The following LAMA2 variants were observed in gnomAD, a reference collection of about 807,000 sequenced individuals.
LAMA2 encodes the protein laminin subunit alpha 2.
In LAMA2, 269 loss-of-function variants were observed where a neutral mutation model predicts 364.8. The observed-to-expected ratio is 0.74, with a 90% CI of 0.67 to 0.82. The LOEUF (loss-of-function observed/expected upper bound fraction) is 0.82. Among genes scored for constraint, LAMA2 ranks in the 40% least tolerant of loss-of-function variants. The probability of loss-of-function intolerance (pLI) is 0.00; values close to 1 mark genes in which losing one functional copy is unlikely to be tolerated. For synonymous variants in LAMA2, 1,379 were observed against 1,370.6 expected, an observed-to-expected ratio of 1.01 and a Z score of -0.14; for missense variants, 3,807 against 3,873.2, an observed-to-expected ratio of 0.98 and a Z score of 0.45.
chr6:129,402,381 A>ATAGATGACC lies in LAMA2; in HGVS notation c.5622_5630dup (p.Asp1875_Leu1877dup), dbSNP rs761284273. On this transcript the variant is annotated inframe_insertion, in exon 39 of 65. Transcript: ENST00000421865. The stretch of plus-strand genomic sequence containing the variant: ...TATGTCTGAGGAGCTTAATGATAAA[A>ATAGATGACC]TAGATGACCTCTCCCAAGAAATAAA... The ATAGATGACC allele has an allele frequency of 6.2e-7, 1 of 1,614,054 alleles. No individual in the cohort carries two copies. The highest frequency in any genetic ancestry group is 8.5e-7 in the Non-Finnish European group (1 of 1,179,942).
chr6:128,965,984 T>G (rs951736305), intron 1 of LAMA2, among the ~76,000 whole-genome samples: 181 of 149,494 alleles, frequency 1.2e-3, no homozygotes, highest in Non-Finnish European at 2.6e-3. Context: ...CAGAGGTTTT[T>G]TTTTTTTTTT....
chr6:129,025,019 T>G (rs1785708659), intron 1 of LAMA2, among the ~76,000 whole-genome samples: 1 of 152,208 alleles, frequency 6.6e-6, no homozygotes, highest in Non-Finnish European at 1.5e-5. Flanking sequence ...AATTTAAAAA[T>G]TAACTTAGAG....
chr6:129,068,621 A>G (rs1218690825), intron 3 of LAMA2, among the ~76,000 whole-genome samples: 1 of 151,918 alleles, frequency 6.6e-6, no homozygotes, highest in Admixed American at 6.6e-5. Context: ...GGATTTCAAC[A>G]TATGAATTTT....
intron 12 of LAMA2, among the ~76,000 whole-genome samples, chr6:129,207,347 T>C: frequency 6.6e-6 from 1 of 152,200 alleles, no homozygotes. Flanking sequence ...TTTCTCATTC[T>C]TGTGAGTAAT....
chr6:129,014,520 A>G (rs1422534668), intron 1 of LAMA2, among the ~76,000 whole-genome samples: 1 of 152,196 alleles, frequency 6.6e-6, no homozygotes, highest in Non-Finnish European at 1.5e-5. Flanking sequence ...CCATATAAAC[A>G]CTGCCTTCGG....
In LAMA2 at chr6:129,026,413, A is replaced by C. The variant is rs986450420; in HGVS notation, c.113-23505A>C. ...AAGATGGTTACATAAATATGCACTA[A>C]AATTGAGTCTAACTGCAAAAAAATG... is the stretch of plus-strand genomic sequence containing the variant. On this transcript the variant is annotated intron_variant, in intron 1 of 64. Transcript: ENST00000421865. Among the ~76,000 whole-genome samples, 7 of 152,180 alleles carry C rather than the reference A, an allele frequency of 4.6e-5. No individual in the cohort carries two copies. In the South Asian group the frequency reaches 6.2e-4, roughly 13 times the overall value.
chr6:129,087,776 G>T (rs757767510), intron 3 of LAMA2, among the ~76,000 whole-genome samples: 11 of 151,848 alleles, frequency 7.2e-5, no homozygotes, highest in Non-Finnish European at 1.0e-4. Context: ...GAGTGGTAAA[G>T]TAGTAAACAG....
At chr6:129,400,422 T>C (rs1779903455) in intron 37 of LAMA2, among the ~76,000 whole-genome samples, 1 of 152,176 alleles carries the variant, frequency 6.6e-6, no homozygotes, top group Non-Finnish European at 1.5e-5. Context: ...CTGGCACATA[T>C]TGAGATCTAA....
At chr6:129,223,666 T>A (rs1026949085) in intron 12 of LAMA2, among the ~76,000 whole-genome samples, 1 of 152,190 alleles carries the variant, frequency 6.6e-6, no homozygotes, top group African/African-American at 2.4e-5. Context: ...TGTGTGGTAT[T>A]ATTTCTGAGG....
rs1223275223 is a variant in LAMA2 at position 129,314,652 on chromosome 6, C to A, written c.3412-3C>A. ...ACTCTGAGGGTCTCTTGTCTTTCCT[C>A]AGGTGAATGTGGAAGGCATCCACTG... On this transcript the variant is annotated splice_region_variant and splice_polypyrimidine_tract_variant and intron_variant, in intron 23 of 64. Coordinates refer to ENST00000421865, the MANE Select transcript of LAMA2 (RefSeq NM_000426.4). 4.3e-6 allele frequency: 7 copies of A among 1,613,368 alleles called. No individual in the cohort carries two copies. Among genetic ancestry groups the A allele is most frequent in the Non-Finnish European group, 5.9e-6 (7 of 1,179,930 alleles).
chr6:129,051,328 T>G (rs1462566354), intron 2 of LAMA2, among the ~76,000 whole-genome samples: 1 of 149,364 alleles, frequency 6.7e-6, no homozygotes, highest in Non-Finnish European at 1.5e-5. Flanking sequence ...TTATTTTGTT[T>G]TTGAGGCAGA....
At chr6:129,065,082 C>T (rs1402081040) in intron 3 of LAMA2, among the ~76,000 whole-genome samples, 1 of 152,112 alleles carries the variant, frequency 6.6e-6, no homozygotes, top group African/African-American at 2.4e-5. Context: ...GGATCACTAC[C>T]AGGGATGCCA....
intron 1 of LAMA2, among the ~76,000 whole-genome samples, chr6:128,943,154 T>TTG (rs201580703): frequency 2.0e-5 from 3 of 152,038 alleles, no homozygotes; most frequent in East Asian, 3.9e-4. Context: ...CTTTGTGGTC[T>TTG]TGTGTGTGTG....
intron 41 of LAMA2, among the ~76,000 whole-genome samples, chr6:129,433,517 A>G (rs1207555653): frequency 6.6e-6 from 1 of 152,160 alleles, no homozygotes; most frequent in Non-Finnish European, 1.5e-5. Flanking sequence ...CATTTCCATG[A>G]ATTTCACCCT....
intron 18 of LAMA2, among the ~76,000 whole-genome samples, chr6:129,285,521 G>C (rs1789040316): frequency 6.6e-6 from 1 of 151,996 alleles, no homozygotes; most frequent in East Asian, 1.9e-4. Context: ...GTTATATAAA[G>C]CTATCTCTCC....
At chr6:129,509,881 T>C (rs1786430106) in intron 62 of LAMA2, among the ~76,000 whole-genome samples, 2 of 152,162 alleles carry the variant, frequency 1.3e-5, no homozygotes. Context: ...CTGTGAAGAA[T>C]CTCATTGGTA....
At chr6:129,035,071 T>C (rs113746218) in intron 1 of LAMA2, among the ~76,000 whole-genome samples, 5 of 152,104 alleles carry the variant, frequency 3.3e-5, no homozygotes, top group Admixed American at 6.6e-5. Flanking sequence ...TTGATTTCCA[T>C]AGGGGTTGAA....
At chr6:129,458,622 A>C (rs749839829) in intron 48 of LAMA2, among the ~76,000 whole-genome samples, 2 of 152,086 alleles carry the variant, frequency 1.3e-5, no homozygotes, top group South Asian at 2.1e-4. Flanking sequence ...GTGATGACAG[A>C]GCATTGCAAG....
At chr6:129,427,696 C>A in intron 40 of LAMA2, 56 bp from the exon 41 acceptor site, 1 of 1,289,730 alleles carries the variant, frequency 7.8e-7, no homozygotes, top group Non-Finnish European at 1.1e-6. Flanking sequence ...TTCTGGATCC[C>A]TCCACTCCAT....
Sources: gnomAD v4.1 joint callset for allele counts (sites outside exome capture counted in the v4.1 genomes callset) on GRCh38, gnomAD v4.1.1 for gene constraint, MANE v1.5 for transcripts, NCBI Gene and HGNC (gene_info 2026-07-23, HGNC 2026-07-21) for gene names.